Variants in SLC25A25 observed in about 807,000 individuals in gnomAD.
The protein encoded by SLC25A25 is mitochondrial adenyl nucleotide antiporter SLC25A25.
Under a neutral mutation model 57.7 loss-of-function variants are expected in SLC25A25, and 32 were observed. The ratio of observed to expected loss-of-function variants is 0.55; its 90% CI spans 0.42 to 0.74. SLC25A25 has a LOEUF of 0.74. Ranked by LOEUF, SLC25A25 falls within the 30% of genes least tolerant of loss-of-function variation. The pLI is 0.00. For missense variants in SLC25A25, 556 were observed against 701.3 expected (o/e 0.79, Z 2.34); for synonymous variants, 306 against 291.2 (o/e 1.05, Z -0.52).
Position 128,102,550 on chromosome 9 carries a change from C to T in SLC25A25, c.624+69C>T. On this transcript the variant is annotated intron_variant, in intron 5 of 10. Transcript: ENST00000373069. The surrounding 1 kb of genome is among the most constrained non-coding windows in gnomAD (Gnocchi z 4.1). ...CTTAGCCCAGAGTCACCCAGTCGTC[C>T]CCATCCCAGAGTGCAGCTGGGGCTT... The T allele has an allele frequency of 1.5e-6, 2 of 1,316,210 alleles. No homozygotes were observed. Among genetic ancestry groups the T allele is most frequent in the Non-Finnish European group, 2.1e-6 (2 of 937,798 alleles). The allele number at this position is 1,316,210 out of a possible 1,614,324, so 81.5% of individuals were successfully genotyped here. A position where few individuals can be genotyped will look rare whatever the true frequency, so the allele number is the denominator to read the frequency against.
At chr9:128,089,018 C>T (rs979655597) in intron 1 of SLC25A25, among the ~76,000 whole-genome samples, 2 of 152,192 alleles carry the variant, frequency 1.3e-5, no homozygotes, top group Admixed American at 6.5e-5. Flanking sequence ...ACCTCAGCCT[C>T]CCGTGTAGCT....
In SLC25A25 at chr9:128,108,171, G is replaced by C; in HGVS notation, c.*727G>C. ...GGTGCTCTGAGCTGGCCTGGACCCTGTCAGGATGGGCCCCACCTCAGAACC... is the reference window on the plus strand; with the variant it reads ...GGTGCTCTGAGCTGGCCTGGACCCTCTCAGGATGGGCCCCACCTCAGAACC... On this transcript the variant is annotated 3_prime_UTR_variant, in exon 11 of 11. Transcript: ENST00000373069. 1 of 399,268 alleles carries C rather than the reference G, an allele frequency of 2.5e-6. No individual in the cohort carries two copies. Among genetic ancestry groups the C allele is most frequent in the Admixed American group, 4.4e-5 (1 of 22,734 alleles). 24.7% of individuals were successfully genotyped at this position (399,268 alleles called of 1,614,324 possible).
chr9:128,095,188 C>T lies in SLC25A25; in HGVS notation c.262-5908C>T, dbSNP rs910940591. ...ACTTGCTCAAGTTACACCTTTCCCACACACCTGCCGCCTTCCAGTATGAGG... is the reference window on the plus strand; with the variant it reads ...ACTTGCTCAAGTTACACCTTTCCCATACACCTGCCGCCTTCCAGTATGAGG... On this transcript the variant is annotated intron_variant, in intron 1 of 10. Coordinates refer to ENST00000373069, the MANE Select transcript of SLC25A25 (RefSeq NM_001330988.2). This position sits in a 1 kb window ranked among gnomAD's most constrained non-coding sequence, Gnocchi z 4.4. Among the ~76,000 whole-genome samples, 2 of 152,226 alleles carry T rather than the reference C, an allele frequency of 1.3e-5. No individual in the cohort carries two copies. Among genetic ancestry groups the T allele is most frequent in the African/African-American group, 4.8e-5 (2 of 41,460 alleles).
chr9:128,107,693 C>G lies in SLC25A25; in HGVS notation c.*249C>G. On this transcript the variant is annotated 3_prime_UTR_variant, in exon 11 of 11. Transcript: ENST00000373069. Reference sequence around the variant, plus strand: ...CCTTAGGGTCCAGGGTCAGCAGGCTCCGGGCTCACATGTGTAAGGACAGGA... The same window carrying G: ...CCTTAGGGTCCAGGGTCAGCAGGCTGCGGGCTCACATGTGTAAGGACAGGA... 2.3e-6 allele frequency: 1 copy of G among 433,510 alleles called. No homozygotes were observed. The highest frequency in any genetic ancestry group is 3.3e-5 in the East Asian group (1 of 29,930). 26.9% of individuals were successfully genotyped at this position (433,510 alleles called of 1,614,324 possible).
chr9:128,084,140 G>A (rs1833222454), intron 1 of SLC25A25, among the ~76,000 whole-genome samples: 1 of 152,138 alleles, frequency 6.6e-6, no homozygotes, highest in South Asian at 2.1e-4. Context: ...AGGGTGCTAA[G>A]GGCATTCCAA....
At chr9:128,068,903 A>G (rs973270968) in intron 1 of SLC25A25, among the ~76,000 whole-genome samples, 1 of 152,194 alleles carries the variant, frequency 6.6e-6, no homozygotes, top group Non-Finnish European at 1.5e-5. Flanking sequence ...CTCAAGGCCA[A>G]GCTGGACGCT....
intron 1 of SLC25A25, among the ~76,000 whole-genome samples, chr9:128,075,068 C>T (rs768126213): frequency 2.6e-5 from 4 of 152,182 alleles, no homozygotes; most frequent in Non-Finnish European, 5.9e-5. Context: ...ACCCGGGCAG[C>T]GGAGGCTGCA....
At chr9:128,091,933 C>T (rs1482176768) in intron 1 of SLC25A25, 1 of 1,613,632 alleles carries the variant, frequency 6.2e-7, no homozygotes, top group Non-Finnish European at 8.5e-7. Context: ...GCCACGGCTC[C>T]AGAGAGGGGG....
At chr9:128,094,128 A>T (rs953618125) in intron 1 of SLC25A25, among the ~76,000 whole-genome samples, 3 of 152,164 alleles carry the variant, frequency 2.0e-5, no homozygotes, top group African/African-American at 7.2e-5. Flanking sequence ...AGCCTGGGTG[A>T]CAGAGCAAGA....
At chr9:128,091,535 G>A (rs1285359728) in intron 1 of SLC25A25, 9 of 997,628 alleles carry the variant, frequency 9.0e-6, no homozygotes, top group African/African-American at 5.3e-5. Flanking sequence ...TGGCTGTCGC[G>A]TTTTCCTTTT....
chr9:128,076,469 TTTTTA>T (rs1336194390), intron 1 of SLC25A25, among the ~76,000 whole-genome samples: 1 of 97,482 alleles, frequency 1.0e-5, no homozygotes, highest in African/African-American at 5.4e-5. Context: ...TTTATTTTTA[TTTTTA>T]TTTTTTTTTG....
In SLC25A25 at chr9:128,068,288, CG is replaced by C; in HGVS notation, c.-31del. Reference sequence around the variant, plus strand: ...ACCGCCGGCCCGCCGCCCCCGCTCCCGCCCGCGCCCGGAGCCCCTGCCTCGC... The same window carrying C: ...ACCGCCGGCCCGCCGCCCCCGCTCCCCCCGCGCCCGGAGCCCCTGCCTCGC... On this transcript the variant is annotated 5_prime_UTR_variant, in exon 1 of 11. Coordinates refer to ENST00000373069, the MANE Select transcript of SLC25A25 (RefSeq NM_001330988.2). 1 of 1,256,228 alleles carries C rather than the reference CG, an allele frequency of 8.0e-7. No homozygotes were observed. Among genetic ancestry groups the C allele is most frequent in the South Asian group, 2.5e-5 (1 of 39,512 alleles). 77.8% of individuals were successfully genotyped at this position (1,256,228 alleles called of 1,614,324 possible).
At chr9:128,084,273 T>C (rs1833226780) in intron 1 of SLC25A25, among the ~76,000 whole-genome samples, 1 of 151,568 alleles carries the variant, frequency 6.6e-6, no homozygotes, top group African/African-American at 2.4e-5. Context: ...TTTTTTTTTT[T>C]TTTTTTTGAT....
rs929007451 is a variant in SLC25A25, at chr9:128,102,849, GCTACT to G, written c.624+373_624+377del. 2.6e-5 allele frequency among the ~76,000 whole-genome samples: 4 copies of G among 152,198 alleles called. No individual in the cohort carries two copies. The highest frequency in any genetic ancestry group is 4.4e-5 in the Non-Finnish European group (3 of 68,032). ...CCGGTGGGAGGGGGCTGGGGCAGAA[GCTACT>G]CTACAGAGAACACCTAGGCAGAGCT... On this transcript the variant is annotated intron_variant, in intron 5 of 10. Transcript: ENST00000373069. The surrounding 1 kb of genome is among the most constrained non-coding windows in gnomAD (Gnocchi z 4.1).
chr9:128,078,760 C>T (rs1182852683), intron 1 of SLC25A25, among the ~76,000 whole-genome samples: 1 of 152,204 alleles, frequency 6.6e-6, no homozygotes, highest in Non-Finnish European at 1.5e-5. Flanking sequence ...AGAAGTGGGA[C>T]TAAGGCTCGG....
At position 128,100,999 on chromosome 9, in the gene SLC25A25, C is replaced by T. The variant is rs552518800; in HGVS notation, c.262-97C>T. On this transcript the variant is annotated intron_variant, in intron 1 of 10. Transcript: ENST00000373069. Reference sequence around the variant, plus strand: ...GGGTCCTTGGGGCCAGCTCTGCTCGCAATTAGTGAAGTCATTGCCTGGGGA... The same window carrying T: ...GGGTCCTTGGGGCCAGCTCTGCTCGTAATTAGTGAAGTCATTGCCTGGGGA... 2.6e-5 allele frequency: 40 copies of T among 1,547,432 alleles called. No homozygotes were observed. The East Asian group carries it at 8.4e-4, about 33-fold the overall frequency.
chr9:128,107,294 C>T lies in SLC25A25; in HGVS notation c.1398C>T (p.Ser466=). The T allele has an allele frequency of 6.3e-7, 1 of 1,578,564 alleles. No homozygotes were observed. The highest frequency in any genetic ancestry group is 1.1e-5 in the South Asian group (1 of 87,282). ...SIEGAPEVTM[S]SLFKHILRTE... is the part of the protein sequence containing the mutation. ...AGGGCGCTCCGGAGGTGACCATGAG[C>T]AGCCTCTTCAAACATATCCTGCGGA... is the stretch of plus-strand genomic sequence containing the variant. The change falls in exon 11 of 11, where the codon AGC becomes AGT. Residue 466 remains serine (S), a synonymous_variant. Coordinates refer to ENST00000373069, the MANE Select transcript of SLC25A25 (RefSeq NM_001330988.2).
At position 128,099,049 on chromosome 9, in the gene SLC25A25, G is replaced by C; in HGVS notation, c.262-2047G>C. ...AAGGGACCTGGGGGGCAGGCCAGTA[G>C]TGCATGGGAGGAGAAGGCAGGGAGG... On this transcript the variant is annotated intron_variant, in intron 1 of 10. Coordinates refer to ENST00000373069, the MANE Select transcript of SLC25A25 (RefSeq NM_001330988.2). This position sits in a 1 kb window ranked among gnomAD's most constrained non-coding sequence, Gnocchi z 6.8. 1 of 985,470 alleles carries C rather than the reference G, an allele frequency of 1.0e-6. No homozygotes were observed. The highest frequency in any genetic ancestry group is 1.2e-6 in the Non-Finnish European group (1 of 829,938). 61.0% of individuals were successfully genotyped at this position (985,470 alleles called of 1,614,324 possible).
intron 1 of SLC25A25, among the ~76,000 whole-genome samples, chr9:128,077,529 A>AAAAAAAAAAAAAAAAAAG (rs1833045542): frequency 6.6e-6 from 1 of 150,976 alleles, no homozygotes; most frequent in African/African-American, 2.4e-5. Flanking sequence ...AAAAAAAAAA[A>AAAAAAAAAAAAAAAAAAG]GCCAGTCGCA....
Sources: gnomAD v4.1 joint callset for allele counts (sites outside exome capture counted in the v4.1 genomes callset) on GRCh38, gnomAD v4.1.1 for gene constraint, Gnocchi (gnomAD v3.1) non-coding constraint, MANE v1.5 for transcripts, NCBI Gene and HGNC (gene_info 2026-07-23, HGNC 2026-07-21) for gene names.